Variants in CACNA1E observed in about 807,000 individuals in gnomAD.
CACNA1E encodes the protein voltage-dependent R-type calcium channel subunit alpha-1E.
In CACNA1E, 40 loss-of-function variants were observed where a neutral mutation model predicts 259.2. The observed-to-expected ratio is 0.15, with a 90% CI of 0.12 to 0.20. CACNA1E has a LOEUF of 0.20. Ranked by LOEUF, CACNA1E falls within the 10% of genes least tolerant of loss-of-function variation. The probability of loss-of-function intolerance (pLI) is 1.00; values close to 1 mark genes in which losing one functional copy is unlikely to be tolerated. For missense variants in CACNA1E, 1,874 were observed against 3,040.1 expected, an observed-to-expected ratio of 0.62 and a Z score of 9.02; for synonymous variants, 1,104 against 1,138.5, an observed-to-expected ratio of 0.97 and a Z score of 0.61.
intron 2 of CACNA1E, among the ~76,000 whole-genome samples, chr1:181,453,799 T>C (rs1249046525): frequency 6.6e-6 from 1 of 152,170 alleles, no homozygotes; most frequent in Middle Eastern, 3.2e-3. Flanking sequence ...GGAATTCTGG[T>C]GCTGAGACAA....
intron 6 of CACNA1E, among the ~76,000 whole-genome samples, chr1:181,583,933 C>T (rs538542592): frequency 7.9e-5 from 12 of 152,270 alleles, no homozygotes; most frequent in East Asian, 5.8e-4. Context: ...ACTTATTTCT[C>T]GTAACCTGAT....
intron 2 of CACNA1E, among the ~76,000 whole-genome samples, chr1:181,463,430 C>A (rs1661950372): frequency 6.6e-6 from 1 of 152,108 alleles, no homozygotes; most frequent in Non-Finnish European, 1.5e-5. Flanking sequence ...TTCCACTCTG[C>A]ATATCATATG....
intron 3 of CACNA1E, among the ~76,000 whole-genome samples, chr1:181,563,004 A>T (rs1290356344): frequency 2.0e-5 from 3 of 152,192 alleles, no homozygotes; most frequent in Non-Finnish European, 2.9e-5. Flanking sequence ...ATGGTATGGG[A>T]TGTGATATGA....
chr1:181,650,895 G>A (rs1010434994), intron 6 of CACNA1E, among the ~76,000 whole-genome samples: 2 of 152,188 alleles, frequency 1.3e-5, no homozygotes, highest in African/African-American at 2.4e-5. Flanking sequence ...ACCCTAAAAT[G>A]TCTTCCAAAT....
chr1:181,729,983 A>C, intron 18 of CACNA1E, among the ~76,000 whole-genome samples: 1 of 151,572 alleles, frequency 6.6e-6, no homozygotes, highest in East Asian at 1.9e-4. Context: ...ACTGATGCTG[A>C]GGGTTGTATT....
chr1:181,757,823 C>A, intron 30 of CACNA1E, 124 bp from the exon 31 acceptor site: 1 of 1,046,962 alleles, frequency 9.6e-7, no homozygotes, highest in Non-Finnish European at 1.4e-6. Flanking sequence ...CAGTTGCCAT[C>A]TTTACTTGCC....
intron 7 of CACNA1E, among the ~76,000 whole-genome samples, chr1:181,674,377 A>G (rs1649145367): frequency 7.1e-6 from 1 of 139,952 alleles, no homozygotes; most frequent in African/African-American, 2.7e-5. Context: ...TGTGGGTGAC[A>G]GAGCAAGACT....
At chr1:181,641,703 GTTTTTTTTTTT>G (rs751082929) in intron 6 of CACNA1E, among the ~76,000 whole-genome samples, 3 of 81,128 alleles carry the variant, frequency 3.7e-5, no homozygotes, top group Admixed American at 1.5e-4. Context: ...CTAATTTTTT[GTTTTTTTTTTT>G]TTTTTTTTTT....
intron 6 of CACNA1E, among the ~76,000 whole-genome samples, chr1:181,585,781 T>G (rs1292261725): frequency 6.6e-6 from 1 of 152,136 alleles, no homozygotes; most frequent in Admixed American, 6.5e-5. Context: ...CTGGGTGTAT[T>G]TGAAGAACAG....
chr1:181,738,591 C>T (rs1447980732), intron 24 of CACNA1E, among the ~76,000 whole-genome samples, 165 bp downstream of exon 24: 1 of 152,176 alleles, frequency 6.6e-6, no homozygotes, highest in East Asian at 1.9e-4. Flanking sequence ...AGAAATCTGT[C>T]TCAGCAAGAC....
chr1:181,440,669 G>C (rs1051893670), intron 2 of CACNA1E, among the ~76,000 whole-genome samples: 3 of 152,096 alleles, frequency 2.0e-5, no homozygotes, highest in Non-Finnish European at 4.4e-5. Flanking sequence ...CTGCTATTAA[G>C]ATGCCCAGCT....
chr1:181,730,114 C>A (rs1041538722), intron 18 of CACNA1E, among the ~76,000 whole-genome samples: 3 of 152,262 alleles, frequency 2.0e-5, no homozygotes, highest in Admixed American at 1.3e-4. Flanking sequence ...AGACCAACTG[C>A]CTCTGCTCCC....
intron 2 of CACNA1E, among the ~76,000 whole-genome samples, chr1:181,446,841 A>G (rs936016931): frequency 1.3e-5 from 2 of 151,916 alleles, no homozygotes; most frequent in Non-Finnish European, 2.9e-5. Flanking sequence ...TCACTGTGTT[A>G]TTTCCAGATC....
At chr1:181,502,845 C>A (rs1665374824) in intron 1 of CACNA1E, among the ~76,000 whole-genome samples, 1 of 152,132 alleles carries the variant, frequency 6.6e-6, no homozygotes, top group Non-Finnish European at 1.5e-5. Flanking sequence ...ATTACAGGTG[C>A]CCACCACCAT....
At chr1:181,668,131 A>G (rs1423015354) in intron 7 of CACNA1E, among the ~76,000 whole-genome samples, 5 of 152,204 alleles carry the variant, frequency 3.3e-5, no homozygotes, top group African/African-American at 9.7e-5. Context: ...TCCTATCACC[A>G]TAAGACCCCT....
At chr1:181,492,462 T>C (rs1349302930) in intron 1 of CACNA1E, among the ~76,000 whole-genome samples, 2 of 152,246 alleles carry the variant, frequency 1.3e-5, no homozygotes, top group Non-Finnish European at 2.9e-5. Context: ...GGTATGTTGT[T>C]CTAGAAATCA....
intron 2 of CACNA1E, among the ~76,000 whole-genome samples, chr1:181,431,871 G>C (rs1659740491): frequency 6.6e-6 from 1 of 152,210 alleles, no homozygotes; most frequent in African/African-American, 2.4e-5. Flanking sequence ...TTTTGGAGTA[G>C]AGTGACCTGA....
intron 3 of CACNA1E, among the ~76,000 whole-genome samples, chr1:181,515,549 T>C (rs1666513707): frequency 6.6e-6 from 1 of 152,230 alleles, no homozygotes; most frequent in Admixed American, 6.5e-5. Flanking sequence ...TGCCATTCTT[T>C]TAACACATTC....
chr1:181,410,899 G>A (rs1482427108), intron 1 of CACNA1E, among the ~76,000 whole-genome samples: 1 of 152,170 alleles, frequency 6.6e-6, no homozygotes, highest in African/African-American at 2.4e-5. Flanking sequence ...CAGGGAAGGC[G>A]GGGTGGGAGA....
Sources: allele counts gnomAD v4.1 joint callset (sites outside exome capture counted in the v4.1 genomes callset), GRCh38; gene constraint gnomAD v4.1.1; transcripts MANE v1.5; gene names NCBI Gene and HGNC (gene_info 2026-07-23, HGNC 2026-07-21).